Variants in ASB4 observed in about 807,000 individuals in gnomAD.
ASB4 encodes the protein ankyrin repeat and SOCS box protein 4.
In ASB4, 35 loss-of-function variants were observed where a neutral mutation model predicts 38.6. The ratio of observed to expected loss-of-function variants is 0.91; its 90% CI spans 0.69 to 1.20. The LOEUF (loss-of-function observed/expected upper bound fraction) is 1.20. ASB4 is among the 50% of genes most tolerant of loss of function. The pLI is 0.00. For synonymous variants in ASB4, 195 were observed against 201.3 expected, an observed-to-expected ratio of 0.97 and a Z score of 0.26; for missense variants, 557 against 527.2, an observed-to-expected ratio of 1.06 and a Z score of -0.55.
At chr7:95,542,980 T>A (rs1212606803), downstream of ASB4, 6 of 152,254 alleles carry the variant, frequency 3.9e-5, no homozygotes, top group East Asian at 1.2e-3. Flanking sequence ...TGCTGGGGTG[T>A]GTAAGGCAGC....
upstream of ASB4, chr7:95,485,837 C>G: frequency 2.9e-6 from 2 of 697,270 alleles, no homozygotes; most frequent in East Asian, 2.7e-5. Flanking sequence ...GAAATGATCC[C>G]TATATAAATA....
Position 95,536,484 on chromosome 7 carries a change from C to A in ASB4, c.1026C>A (p.Val342=). Residue 342 remains valine (V), a synonymous_variant, in exon 4 of 5, where the codon GTC becomes GTA. Transcript: ENST00000325885. Reference sequence around the variant, plus strand: ...GTCCTAAAGCAATTGAAGTTGTAGTCAATGCCTATGAACACATCAGATGGA... The same window carrying A: ...GTCCTAAAGCAATTGAAGTTGTAGTAAATGCCTATGAACACATCAGATGGA... ...HSCPKAIEVV[V]NAYEHIRWNT... 6.2e-7 allele frequency: 1 copy of A among 1,613,442 alleles called. No individual in the cohort carries two copies. Among genetic ancestry groups the A allele is most frequent in the South Asian group, 1.1e-5 (1 of 91,018 alleles).
chr7:95,487,750 T>C (rs1790112716), intron 1 of ASB4, among the ~76,000 whole-genome samples: 1 of 152,172 alleles, frequency 6.6e-6, no homozygotes, highest in Admixed American at 6.5e-5. Context: ...CGAATTGAGG[T>C]GTTTTCATAG....
chr7:95,470,945 C>G, the ASB4 span, among the ~76,000 whole-genome samples: 1 of 152,160 alleles, frequency 6.6e-6, no homozygotes, highest in Non-Finnish European at 1.5e-5. Context: ...GTAAGTTTAA[C>G]TTTTACTTTG....
Position 95,507,857 on chromosome 7 carries a change from G to A in ASB4, c.487+11800G>A, listed in dbSNP as rs565555483. ...ATACTACGGAGAGATCCAGTAAGTTGAGAGTTAAACAGCTGCTATTGGATT... is the reference window on the plus strand; with the variant it reads ...ATACTACGGAGAGATCCAGTAAGTTAAGAGTTAAACAGCTGCTATTGGATT... On this transcript the variant is annotated intron_variant, in intron 2 of 4. Transcript: ENST00000325885. Among the ~76,000 whole-genome samples the A allele has an allele frequency of 5.3e-5, 8 of 152,290 alleles. No individual in the cohort carries two copies. The East Asian group carries it at 1.2e-3, about 22-fold the overall frequency.
At chr7:95,518,874 C>A (rs975255746) in intron 2 of ASB4, among the ~76,000 whole-genome samples, 1 of 152,150 alleles carries the variant, frequency 6.6e-6, no homozygotes, top group Non-Finnish European at 1.5e-5. Context: ...AGACTTGAGC[C>A]AGACACCTGT....
chr7:95,505,173 C>A (rs555802711), intron 2 of ASB4, among the ~76,000 whole-genome samples: 3 of 151,958 alleles, frequency 2.0e-5, no homozygotes, highest in African/African-American at 7.3e-5. Flanking sequence ...GCAAAATGGC[C>A]GTTATTTAAA....
intron 2 of ASB4, among the ~76,000 whole-genome samples, chr7:95,499,213 A>C (rs989399418): frequency 3.3e-5 from 5 of 152,314 alleles, no homozygotes; most frequent in African/African-American, 1.2e-4. Flanking sequence ...GTATAATTTC[A>C]GAATTGTTGG....
chr7:95,503,416 A>G (rs1162728441), intron 2 of ASB4, among the ~76,000 whole-genome samples: 2 of 152,230 alleles, frequency 1.3e-5, no homozygotes, highest in East Asian at 3.8e-4. Flanking sequence ...GCACATAGAA[A>G]GTGCTCAATA....
Position 95,527,877 on chromosome 7 carries a change from C to T in ASB4, c.552C>T (p.His184=). The change falls in exon 3 of 5, where the codon CAC becomes CAT. Residue 184 remains histidine (H), a synonymous_variant. Transcript: ENST00000325885. ...AGACGCCCTTGCACACGGCTGCCCA[C>T]TTCGGCCTTTCGGAGCTGGTGGCCT... The part of the protein sequence containing the change: ...DEETPLHTAA[H]FGLSELVAFY... The T allele has an allele frequency of 6.2e-7, 1 of 1,613,854 alleles. No homozygotes were observed. Among genetic ancestry groups the T allele is most frequent in the Middle Eastern group, 1.7e-4 (1 of 5,890 alleles).
At chr7:95,486,198 T>A (rs1435034122) in intron 1 of ASB4, 40 bp downstream of exon 1, 1 of 1,537,356 alleles carries the variant, frequency 6.5e-7, no homozygotes, top group Non-Finnish European at 8.9e-7. Flanking sequence ...TGTTAGAAAA[T>A]GATTTAAAAA....
chr7:95,493,351 AAG>A (rs1218192379), intron 1 of ASB4, among the ~76,000 whole-genome samples: 1 of 143,732 alleles, frequency 7.0e-6, no homozygotes, highest in Admixed American at 7.2e-5. Context: ...TGGAGTAAAA[AAG>A]AGATGAAAGT....
At position 95,531,899 on chromosome 7, in the gene ASB4, G is replaced by A. The variant is rs546930769; in HGVS notation, c.978+3596G>A. 5.8e-4 allele frequency among the ~76,000 whole-genome samples: 88 copies of A among 152,284 alleles called. 1 individual carries two copies. The highest frequency in any genetic ancestry group is 2.0e-3 in the African/African-American group (85 of 41,566). On this transcript the variant is annotated intron_variant, in intron 3 of 4. Transcript: ENST00000325885. ...TTCCAACCAACTTTGTCCATGGTTA[G>A]CATTTTCTTATTCAGTTGTTTTGCT...
chr7:95,529,175 A>G (rs1360337944), intron 3 of ASB4, among the ~76,000 whole-genome samples: 2 of 152,252 alleles, frequency 1.3e-5, no homozygotes, highest in African/African-American at 4.8e-5. Context: ...TGAGTGCTAC[A>G]GAAATATGGA....
downstream of ASB4, among the ~76,000 whole-genome samples, chr7:95,541,627 G>A (rs149879507): frequency 9.9e-5 from 15 of 152,244 alleles, no homozygotes; most frequent in African/African-American, 3.4e-4. Context: ...TAGTAAACAT[G>A]CCAACCAATT....
At chr7:95,493,721 A>G (rs1289610593) in intron 1 of ASB4, among the ~76,000 whole-genome samples, 1 of 152,092 alleles carries the variant, frequency 6.6e-6, no homozygotes, top group African/African-American at 2.4e-5. Flanking sequence ...GGCCACCACT[A>G]TAACCAGTTT....
intron 2 of ASB4, among the ~76,000 whole-genome samples, chr7:95,520,300 C>T (rs1227503449): frequency 6.6e-6 from 1 of 152,220 alleles, no homozygotes; most frequent in African/African-American, 2.4e-5. Context: ...TTCAGCTGAT[C>T]TCTCCAACTC....
At chr7:95,516,254 T>C (rs998741083) in intron 2 of ASB4, among the ~76,000 whole-genome samples, 2 of 152,192 alleles carry the variant, frequency 1.3e-5, no homozygotes, top group Admixed American at 1.3e-4. Context: ...AACAGATTAG[T>C]GCAAAATAAT....
intron 2 of ASB4, among the ~76,000 whole-genome samples, chr7:95,515,256 T>C (rs565290350): frequency 2.2e-5 from 3 of 138,826 alleles, no homozygotes; most frequent in South Asian, 2.5e-4. Flanking sequence ...TCTTTCCTTC[T>C]TTCTTTCTTT....
Sources: gnomAD v4.1 joint callset for allele counts (sites outside exome capture counted in the v4.1 genomes callset) on GRCh38, gnomAD v4.1.1 for gene constraint, MANE v1.5 for transcripts, NCBI Gene and HGNC (gene_info 2026-07-23, HGNC 2026-07-21) for gene names.